The following DESI2 variants were observed in gnomAD, a reference collection of about 807,000 sequenced individuals.
DESI2 encodes the protein deubiquitinase DESI2.
Under a neutral mutation model 24.1 loss-of-function variants are expected in DESI2, and 10 were observed. The ratio of observed to expected loss-of-function variants is 0.41; its 90% CI spans 0.26 to 0.70. The LOEUF (loss-of-function observed/expected upper bound fraction) is 0.70. Among genes scored for constraint, DESI2 ranks in the 30% least tolerant of loss-of-function variants. The pLI, the probability that DESI2 is intolerant of heterozygous loss-of-function variation, is 0.29. For missense variants in DESI2, 122 were observed against 234.9 expected (o/e 0.52, Z 3.14); for synonymous variants, 71 against 87.7 (o/e 0.81, Z 1.06).
At chr1:244,693,274 T>G (rs958306240) in intron 4 of DESI2, among the ~76,000 whole-genome samples, 6 of 152,176 alleles carry the variant, frequency 3.9e-5, no homozygotes, top group East Asian at 1.9e-4. Flanking sequence ...TCAAAAACAT[T>G]AAGAACGTTA....
At chr1:244,695,617 C>T (rs1243920319) in intron 4 of DESI2, among the ~76,000 whole-genome samples, 3 of 152,136 alleles carry the variant, frequency 2.0e-5, no homozygotes, top group Non-Finnish European at 4.4e-5. Flanking sequence ...GGTGCTGTTG[C>T]ACTCCATCCT....
chr1:244,697,069 C>A (rs1416213630), intron 4 of DESI2, among the ~76,000 whole-genome samples: 1 of 152,004 alleles, frequency 6.6e-6, no homozygotes, highest in Non-Finnish European at 1.5e-5. Flanking sequence ...TGGACTTTGC[C>A]CCAAGTATAT....
Position 244,653,327 on chromosome 1 carries a change from A to C in DESI2, c.14A>C (p.Gln5Pro). The C allele has an allele frequency of 6.5e-7, 1 of 1,529,310 alleles. No individual in the cohort carries two copies. The highest frequency in any genetic ancestry group is 8.7e-7 in the Non-Finnish European group (1 of 1,146,576). 94.7% of individuals were successfully genotyped at this position (1,529,310 alleles called of 1,614,324 possible). The change falls in exon 1 of 5, where the codon CAG becomes CCG. Residue 5 changes from glutamine (Q) to proline (P), a missense_variant. Gln to Pro is a moderately conservative substitution (Grantham distance 76). Around this residue, in one of 6 missense-constraint regions of DESI2, gnomAD observed 15 missense variants for 18.5 expected, o/e 0.81. Coordinates refer to ENST00000302550, the MANE Select transcript of DESI2 (RefSeq NM_016076.5). ...GCGGGGAGGAGGATGGGGGCTAACC[A>C]GTTAGTGGTGCTCAACGTGTACGAC... MGANQLVVLNVYDMY... is the reference protein window; with the variant it reads MGANPLVVLNVYDMY...
intron 1 of DESI2, among the ~76,000 whole-genome samples, chr1:244,681,357 C>T (rs1676606273): frequency 6.6e-6 from 1 of 152,114 alleles, no homozygotes; most frequent in Non-Finnish European, 1.5e-5. Context: ...TTTTATCTCC[C>T]TCTACTACCC....
At chr1:244,669,423 A>C (rs959484301) in intron 1 of DESI2, among the ~76,000 whole-genome samples, 3 of 152,186 alleles carry the variant, frequency 2.0e-5, no homozygotes, top group Non-Finnish European at 4.4e-5. Context: ...TCACACCTGT[A>C]ATCTCAGCAC....
chr1:244,691,952 G>T lies in DESI2; in HGVS notation c.283G>T (p.Glu95Ter). Reference protein sequence around the residue: ...IEKIVEELGKEYKGNAYHLMH... With the variant: ...IEKIVEELGK ...AAAAATTGTAGAAGAACTGGGAAAA[G>T]AATACAAAGGCAATGCTTATCATTT... The change falls in exon 4 of 5, where the codon GAA (glutamate) becomes TAA (stop). Residue 95 changes from glutamate to a stop codon, truncating the protein, a stop_gained. Transcript: ENST00000302550. LOFTEE classifies it high-confidence loss of function. The T allele has an allele frequency of 6.2e-7, 1 of 1,604,882 alleles. No individual in the cohort carries two copies. Among genetic ancestry groups the T allele is most frequent in the East Asian group, 2.2e-5 (1 of 44,464 alleles).
At position 244,654,896 on chromosome 1, in the gene DESI2, G is replaced by A. The variant is rs74501030; in HGVS notation, c.42+1541G>A. Among the ~76,000 whole-genome samples the A allele has an allele frequency of 6.2e-3, 939 of 152,228 alleles. 11 individuals carry two copies. Among genetic ancestry groups the A allele is most frequent in the African/African-American group, 0.021 (891 of 41,512 alleles). On this transcript the variant is annotated intron_variant, in intron 1 of 4. Coordinates refer to ENST00000302550, the MANE Select transcript of DESI2 (RefSeq NM_016076.5). The stretch of plus-strand genomic sequence containing the variant: ...AGATCACAGTGTGCCTTTTCTCCTA[G>A]ATTATTAAACAAACCCGTATTTAAA...
At chr1:244,682,344 A>G (rs1314114668) in intron 1 of DESI2, among the ~76,000 whole-genome samples, 1 of 152,204 alleles carries the variant, frequency 6.6e-6, no homozygotes, top group Admixed American at 6.5e-5. Flanking sequence ...TCCTCTAGCT[A>G]GACAGAAAAG....
At position 244,690,980 on chromosome 1, in the gene DESI2, G is replaced by A. The variant is rs916686507; in HGVS notation, c.210-899G>A. On this transcript the variant is annotated intron_variant, in intron 3 of 4. Transcript: ENST00000302550. ...CTTTTGGCAAGACTACTTGATAAAAGGATTTTCTAAGTATTTTCAGGTTCC... is the reference window on the plus strand; with the variant it reads ...CTTTTGGCAAGACTACTTGATAAAAAGATTTTCTAAGTATTTTCAGGTTCC... Among the ~76,000 whole-genome samples the A allele has an allele frequency of 7.9e-5, 12 of 152,258 alleles. No individual in the cohort carries two copies. The East Asian group carries it at 9.7e-4, about 12-fold the overall frequency.
In DESI2 at chr1:244,706,973, C is replaced by A. The variant is rs1056687684; in HGVS notation, c.*1184C>A. On this transcript the variant is annotated 3_prime_UTR_variant, in exon 5 of 5. Coordinates refer to ENST00000302550, the MANE Select transcript of DESI2 (RefSeq NM_016076.5). ...TACTCTAAGAATGAAACTGTCACCA[C>A]AGGTAAATCCTTGTTAGCAAGGAAT... 6 of 152,612 alleles carry A rather than the reference C, an allele frequency of 3.9e-5. No individual in the cohort carries two copies. Among genetic ancestry groups the A allele is most frequent in the African/African-American group, 1.4e-4 (6 of 41,450 alleles). 9.5% of individuals were successfully genotyped at this position (152,612 alleles called of 1,614,324 possible). A position where few individuals can be genotyped will look rare whatever the true frequency, so the allele number is the denominator to read the frequency against.
intron 1 of DESI2, among the ~76,000 whole-genome samples, chr1:244,668,146 T>C (rs868075836): frequency 3.3e-5 from 5 of 152,350 alleles, no homozygotes; most frequent in Middle Eastern, 3.4e-3. Context: ...ATCCCCACTG[T>C]CTAGCAAAGT....
chr1:244,667,283 T>C (rs145585583), intron 1 of DESI2, among the ~76,000 whole-genome samples: 24 of 152,240 alleles, frequency 1.6e-4, no homozygotes, highest in African/African-American at 5.5e-4. Flanking sequence ...TTCCTAGATA[T>C]AATGGGGATA....
chr1:244,681,295 C>T (rs1676604069), intron 1 of DESI2, among the ~76,000 whole-genome samples: 1 of 152,128 alleles, frequency 6.6e-6, no homozygotes, highest in Non-Finnish European at 1.5e-5. Flanking sequence ...AGATGCTTCC[C>T]GTTACGATCC....
At chr1:244,690,054 A>C (rs1448500140) in intron 3 of DESI2, among the ~76,000 whole-genome samples, 1 of 152,236 alleles carries the variant, frequency 6.6e-6, no homozygotes, top group African/African-American at 2.4e-5. Context: ...TACGAGTAAT[A>C]AAAAGCAGTG....
At chr1:244,653,747 T>C (rs1675546673) in intron 1 of DESI2, 1 of 340,830 alleles carries the variant, frequency 2.9e-6, no homozygotes, top group Non-Finnish European at 5.6e-6. Flanking sequence ...CCGCCTGCGC[T>C]CCCAGCTCCT....
Position 244,683,256 on chromosome 1 carries a change from C to T in DESI2, c.43-3341C>T, listed in dbSNP as rs193077332. On this transcript the variant is annotated intron_variant, in intron 1 of 4. Coordinates refer to ENST00000302550, the MANE Select transcript of DESI2 (RefSeq NM_016076.5). ...TTGCTAAAACCTGATTTTACAAGTA[C>T]GTGTACACATGGGCCTAGGAGAAGG... 2.6e-5 allele frequency among the ~76,000 whole-genome samples: 4 copies of T among 152,216 alleles called. No homozygotes were observed. The East Asian group carries it at 7.7e-4, about 29-fold the overall frequency.
chr1:244,653,410 C>G, intron 1 of DESI2, 55 bp downstream of exon 1: 1 of 1,518,940 alleles, frequency 6.6e-7, no homozygotes, highest in South Asian at 1.3e-5. Context: ...TTCCTCTCGC[C>G]CGTGGGGCTC....
intron 1 of DESI2, among the ~76,000 whole-genome samples, chr1:244,654,659 A>G (rs1273229324): frequency 6.6e-6 from 1 of 152,188 alleles, no homozygotes; most frequent in African/African-American, 2.4e-5. Context: ...AGATCCTAGA[A>G]AACCATGGCA....
chr1:244,702,429 G>A (rs1237131548), intron 4 of DESI2, among the ~76,000 whole-genome samples: 3 of 152,132 alleles, frequency 2.0e-5, no homozygotes, highest in Non-Finnish European at 2.9e-5. Flanking sequence ...CAAGAGGATC[G>A]CCTGAACCTG....
Sources: gnomAD v4.1 joint callset for allele counts (sites outside exome capture counted in the v4.1 genomes callset) on GRCh38, gnomAD v4.1.1 for gene constraint, gnomAD v4.1.1 regional missense constraint, MANE v1.5 for transcripts, NCBI Gene and HGNC (gene_info 2026-07-23, HGNC 2026-07-21) for gene names.